The following GTF2IRD1 variants were observed in gnomAD, a reference collection of about 807,000 sequenced individuals.
GTF2IRD1 encodes the protein GTF2I repeat domain containing 1, also known as general transcription factor II-I repeat domain-containing protein 1.
GTF2IRD1 carries 26 observed loss-of-function variants against 113.2 expected under a neutral mutation model. The ratio of observed to expected loss-of-function variants is 0.23; its 90% CI spans 0.17 to 0.32. GTF2IRD1 has a LOEUF of 0.32. Among genes scored for constraint, GTF2IRD1 ranks in the 10% least tolerant of loss-of-function variants. The pLI is 1.00. For synonymous variants in GTF2IRD1, 484 were observed against 529.1 expected, an observed-to-expected ratio of 0.91 and a Z score of 1.17; for missense variants, 864 against 1,280.8, an observed-to-expected ratio of 0.67 and a Z score of 4.97.
chr7:74,478,781 T>G (rs1220315449), intron 1 of GTF2IRD1, among the ~76,000 whole-genome samples: 1 of 151,572 alleles, frequency 6.6e-6, no homozygotes, highest in Non-Finnish European at 1.5e-5. Context: ...GGTCTTGCTG[T>G]ATTGTCCAGG....
intron 1 of GTF2IRD1, among the ~76,000 whole-genome samples, chr7:74,476,867 G>T (rs1794442569): frequency 6.6e-6 from 1 of 152,142 alleles, no homozygotes; most frequent in African/African-American, 2.4e-5. Flanking sequence ...CCAGGGCAAG[G>T]AGTGGGCCTG....
At chr7:74,482,900 C>G (rs542983379) in intron 1 of GTF2IRD1, among the ~76,000 whole-genome samples, 1 of 152,172 alleles carries the variant, frequency 6.6e-6, no homozygotes, top group Non-Finnish European at 1.5e-5. Flanking sequence ...ACACATGTAC[C>G]GTGGAAACAG....
intron 8 of GTF2IRD1, among the ~76,000 whole-genome samples, chr7:74,528,762 G>GATGA (rs1797758040): frequency 6.6e-5 from 8 of 120,602 alleles, no homozygotes; most frequent in Non-Finnish European, 1.3e-4. Flanking sequence ...TGGATGAATG[G>GATGA]ATGGATGGGC....
chr7:74,521,083 C>T lies in GTF2IRD1; in HGVS notation c.917-125C>T. On this transcript the variant is annotated intron_variant, in intron 6 of 26. Transcript: ENST00000424337. ...GCCTTGAGTTTGTGATCACAGGAAT[C>T]AGTTATTGGATGTCCCTGGCAGATG... 2 of 606,738 alleles carry T rather than the reference C, an allele frequency of 3.3e-6. 1 individual carries two copies. Among genetic ancestry groups the T allele is most frequent in the South Asian group, 4.0e-5 (2 of 50,162 alleles). The allele number at this position is 606,738 out of a possible 1,614,324, so 37.6% of individuals were successfully genotyped here.
Position 74,512,998 on chromosome 7 carries a change from C to G in GTF2IRD1, c.265+27C>G. 3 of 1,602,220 alleles carry G rather than the reference C, an allele frequency of 1.9e-6. No homozygotes were observed. The highest frequency in any genetic ancestry group is 2.6e-6 in the Non-Finnish European group (3 of 1,174,348). On this transcript the variant is annotated intron_variant, in intron 3 of 26. Transcript: ENST00000424337. The surrounding 1 kb of genome is among the most constrained non-coding windows in gnomAD (Gnocchi z 4.4). ...TGAGTACCCCAGGGCTCCGGAGGGC[C>G]GGGCCCGCCATTTCCCGAGGGCAGG... is the stretch of plus-strand genomic sequence containing the variant.
chr7:74,533,228 A>G (rs1026089225), intron 9 of GTF2IRD1, among the ~76,000 whole-genome samples: 3 of 148,178 alleles, frequency 2.0e-5, no homozygotes, highest in African/African-American at 7.5e-5. Context: ...TCCGCCTCTC[A>G]GGTTCAAGCA....
At chr7:74,543,828 G>C (rs1359038552) in intron 14 of GTF2IRD1, among the ~76,000 whole-genome samples, 1 of 138,590 alleles carries the variant, frequency 7.2e-6, no homozygotes, top group Non-Finnish European at 1.5e-5. Flanking sequence ...TTGATCCCAG[G>C]AGTTTACAAC....
chr7:74,478,488 C>T (rs1189445042), intron 1 of GTF2IRD1, among the ~76,000 whole-genome samples: 3 of 152,150 alleles, frequency 2.0e-5, no homozygotes, highest in Admixed American at 6.6e-5. Flanking sequence ...CAGGGTCTTG[C>T]TCTGTCACCC....
chr7:74,518,170 A>G lies in GTF2IRD1; in HGVS notation c.453A>G (p.Pro151=). ...SEALGRASVV[P]LPYERLLREP... Reference sequence around the variant, plus strand: ...CCCTGGGAAGGGCCAGTGTGGTGCCACTGCCCTATGAGAGGCTGCTCAGGG... The same window carrying G: ...CCCTGGGAAGGGCCAGTGTGGTGCCGCTGCCCTATGAGAGGCTGCTCAGGG... The change falls in exon 5 of 27, where the codon CCA becomes CCG. Residue 151 remains proline, a synonymous_variant. Coordinates refer to ENST00000424337, the MANE Select transcript of GTF2IRD1 (RefSeq NM_005685.4). 1.9e-6 allele frequency: 3 copies of G among 1,604,216 alleles called. No homozygotes were observed. The South Asian group carries it at 3.3e-5, about 18-fold the overall frequency.
chr7:74,463,857 GGGATCACA>G (rs1554330104), intron 1 of GTF2IRD1, among the ~76,000 whole-genome samples: 1 of 152,000 alleles, frequency 6.6e-6, no homozygotes, highest in Non-Finnish European at 1.5e-5. Flanking sequence ...TCGAGTAGCT[GGGATCACA>G]GGTGCGTGCC....
Position 74,583,994 on chromosome 7 carries a change from A to G in GTF2IRD1, c.2321-5857A>G, listed in dbSNP as rs76571910. Among the ~76,000 whole-genome samples, 319 of 152,216 alleles carry G rather than the reference A, an allele frequency of 2.1e-3. 4 individuals are homozygous for G. Among genetic ancestry groups the G allele is most frequent in the Middle Eastern group, 6.8e-3 (2 of 294 alleles). On this transcript the variant is annotated intron_variant, in intron 22 of 26. Coordinates refer to ENST00000424337, the MANE Select transcript of GTF2IRD1 (RefSeq NM_005685.4). ...TCCCAGCTGGGTCAGGATCCCTGCT[A>G]TAGACCCCCGTGGGCCATGTAAACC...
intron 1 of GTF2IRD1, among the ~76,000 whole-genome samples, chr7:74,502,759 T>TGGAA (rs1796094618): frequency 6.6e-6 from 1 of 152,104 alleles, no homozygotes; most frequent in South Asian, 2.1e-4. Flanking sequence ...ACGGGGCAGG[T>TGGAA]GGCAGGCAGG....
chr7:74,601,254 C>T (rs1419098461), intron 26 of GTF2IRD1, 74 bp downstream of exon 26: 3 of 1,551,538 alleles, frequency 1.9e-6, no homozygotes. Context: ...GGGCCGTCTA[C>T]TCTGGGATGT....
In GTF2IRD1 at chr7:74,524,117, C is replaced by G; in HGVS notation, c.1053C>G (p.Leu351=). The G allele has an allele frequency of 1.2e-6, 2 of 1,613,140 alleles. No homozygotes were observed. The highest frequency in any genetic ancestry group is 8.5e-7 in the Non-Finnish European group (1 of 1,179,526). Residue 351 remains leucine (L), a synonymous_variant, in exon 8 of 27, where the codon CTC becomes CTG. Transcript: ENST00000424337. The part of the protein sequence containing the change: ...FIKETEDINT[L]RECVQILFNS... ...AGGAAACCGAGGACATCAACACGCT[C>G]CGGGAGTGTGTGCAGATCCTGTTTA...
At chr7:74,558,364 T>TGTTTTTTTTTTTTG (rs1799739786) in intron 20 of GTF2IRD1, among the ~76,000 whole-genome samples, 1 of 121,280 alleles carries the variant, frequency 8.2e-6, no homozygotes, top group Non-Finnish European at 1.8e-5. Flanking sequence ...TTTTTTTTTT[T>TGTTTTTTTTTTTTG]TTTTTTTTTT....
At chr7:74,454,901 C>G (rs1164859715) in intron 1 of GTF2IRD1, among the ~76,000 whole-genome samples, 2 of 152,106 alleles carry the variant, frequency 1.3e-5, no homozygotes, top group Admixed American at 1.3e-4. Flanking sequence ...TGCTGAACAC[C>G]CACCCGCCCC....
At chr7:74,478,974 C>T (rs1794582476) in intron 1 of GTF2IRD1, among the ~76,000 whole-genome samples, 2 of 151,940 alleles carry the variant, frequency 1.3e-5, no homozygotes, top group Non-Finnish European at 2.9e-5. Context: ...GTCTCAAACT[C>T]CTGGGATCAG....
rs1554341705 is a variant in GTF2IRD1 at position 74,508,190 on chromosome 7, C to T, written c.110C>T (p.Ala37Val). 6.2e-7 allele frequency: 1 copy of T among 1,612,554 alleles called. No homozygotes were observed. The highest frequency in any genetic ancestry group is 1.1e-5 in the South Asian group (1 of 91,048). ...KDEIITSLVS[A>V]LDSMCSALSK... ...GAGATCATCACCAGCCTCGTGTCTG[C>T]CTTAGACTCCATGGTGAGTGTCCCC... The change falls in exon 2 of 27, where the codon GCC becomes GTC. Residue 37 changes from alanine (A) to valine (V), a missense_variant. This residue lies in a region of GTF2IRD1 where 182 missense variants were observed against 266.6 expected (regional missense o/e 0.68). Coordinates refer to ENST00000424337, the MANE Select transcript of GTF2IRD1 (RefSeq NM_005685.4).
At chr7:74,539,811 C>T (rs1163448210) in intron 13 of GTF2IRD1, 68 bp from the exon 14 acceptor site, 3 of 1,086,508 alleles carry the variant, frequency 2.8e-6, no homozygotes, top group South Asian at 2.5e-5. Context: ...GCTGGGTGGG[C>T]CCTGAGGGAC....
Sources: gnomAD v4.1 joint callset for allele counts (sites outside exome capture counted in the v4.1 genomes callset) on GRCh38, gnomAD v4.1.1 for gene constraint, gnomAD v4.1.1 regional missense constraint, Gnocchi (gnomAD v3.1) non-coding constraint, MANE v1.5 for transcripts, NCBI Gene and HGNC (gene_info 2026-07-23, HGNC 2026-07-21) for gene names.